The following FBLN5 variants were observed in gnomAD, a reference collection of about 807,000 sequenced individuals.
FBLN5 encodes the protein fibulin-5.
FBLN5 carries 24 observed loss-of-function variants against 61.6 expected under a neutral mutation model. The observed-to-expected ratio is 0.39, with a 90% CI of 0.28 to 0.55. The LOEUF is 0.55. Ranked by LOEUF, FBLN5 falls within the 20% of genes least tolerant of loss-of-function variation. FBLN5 has a pLI of 0.65. For synonymous variants in FBLN5, 213 were observed against 219.8 expected, an observed-to-expected ratio of 0.97 and a Z score of 0.27; for missense variants, 470 against 594.1, an observed-to-expected ratio of 0.79 and a Z score of 2.17.
intron 4 of FBLN5, among the ~76,000 whole-genome samples, chr14:91,912,864 T>C (rs1891016706): frequency 6.6e-6 from 1 of 151,764 alleles, no homozygotes. Context: ...TGAGACACTT[T>C]TCTTCTTTAA....
rs1332235264 is a variant in FBLN5 at position 91,943,533 on chromosome 14, A to C, written c.18-572T>G. 1.3e-5 allele frequency among the ~76,000 whole-genome samples: 2 copies of C among 151,644 alleles called. No homozygotes were observed. The highest frequency in any genetic ancestry group is 2.9e-5 in the Non-Finnish European group (2 of 67,910). On this transcript the variant is annotated intron_variant, in intron 1 of 10. Transcript: ENST00000342058. This position sits in a 1 kb window ranked among gnomAD's most constrained non-coding sequence, Gnocchi z 4.0. ...TCCCCCCACCCCCCAAAAAAGCTAAAACCTCCCACTATGGTATTAACCAGT... is the reference window on the plus strand; with the variant it reads ...TCCCCCCACCCCCCAAAAAAGCTAACACCTCCCACTATGGTATTAACCAGT...
chr14:91,929,491 G>A (rs1232569201), intron 4 of FBLN5, among the ~76,000 whole-genome samples: 1 of 152,108 alleles, frequency 6.6e-6, no homozygotes, highest in Admixed American at 6.6e-5. Context: ...GGCCAGAGAG[G>A]CCAAGTGGCT....
At chr14:91,872,636 T>C (rs955727617) in intron 10 of FBLN5, among the ~76,000 whole-genome samples, 2 of 152,130 alleles carry the variant, frequency 1.3e-5, no homozygotes, top group Admixed American at 1.3e-4. Flanking sequence ...ACCTCCCCTA[T>C]CCATGAGGCT....
intron 4 of FBLN5, among the ~76,000 whole-genome samples, chr14:91,898,240 G>T (rs1410953982): frequency 1.3e-5 from 2 of 151,842 alleles, no homozygotes; most frequent in African/African-American, 2.4e-5. Context: ...CACCTTTATA[G>T]CCTGAAAACA....
rs1040501479 is a variant in FBLN5, at chr14:91,942,889, T to A, written c.72+18A>T. On this transcript the variant is annotated intron_variant, in intron 2 of 10. Coordinates refer to ENST00000342058, the MANE Select transcript of FBLN5 (RefSeq NM_006329.4). ...TTTTAATACGCTTGTAGATATTTTT[T>A]AAAAATAAAAATCTTACCTGTGCAT... 2 of 1,487,906 alleles carry A rather than the reference T, an allele frequency of 1.3e-6. No homozygotes were observed. Among genetic ancestry groups the A allele is most frequent in the Non-Finnish European group, 1.8e-6 (2 of 1,089,056 alleles). The allele number at this position is 1,487,906 out of a possible 1,614,324, so 92.2% of individuals were successfully genotyped here.
At chr14:91,895,352 T>C (rs1890178793) in intron 4 of FBLN5, among the ~76,000 whole-genome samples, 2 of 152,238 alleles carry the variant, frequency 1.3e-5, no homozygotes, top group African/African-American at 4.8e-5. Context: ...CATTGCTCTT[T>C]GAAGGTGCAT....
chr14:91,874,977 C>A (rs1440031992), intron 10 of FBLN5, among the ~76,000 whole-genome samples: 1 of 151,984 alleles, frequency 6.6e-6, no homozygotes, highest in African/African-American at 2.4e-5. Flanking sequence ...ACAGGTCATG[C>A]CACCACACCT....
At chr14:91,923,997 T>C (rs2055784311) in intron 4 of FBLN5, among the ~76,000 whole-genome samples, 1 of 152,236 alleles carries the variant, frequency 6.6e-6, no homozygotes, top group South Asian at 2.1e-4. Flanking sequence ...GGGTTTCATA[T>C]TTCCTGCCAA....
chr14:91,909,895 G>T (rs1258437980), intron 4 of FBLN5, among the ~76,000 whole-genome samples: 2 of 152,190 alleles, frequency 1.3e-5, no homozygotes, highest in African/African-American at 4.8e-5. Flanking sequence ...AAACGTGTTG[G>T]TGAGGACGTG....
Position 91,934,522 on chromosome 14 carries a change from C to T in FBLN5, c.379+2425G>A, listed in dbSNP as rs564523922. On this transcript the variant is annotated intron_variant, in intron 4 of 10. Coordinates refer to ENST00000342058, the MANE Select transcript of FBLN5 (RefSeq NM_006329.4). ...TTTGATATTATTACCACTGCTGCTG[C>T]GGATGTTACTGTTGATCGCTATTCT... Among the ~76,000 whole-genome samples, 15 of 152,310 alleles carry T rather than the reference C, an allele frequency of 9.8e-5. No homozygotes were observed. In the South Asian group the frequency reaches 1.0e-3, roughly 11 times the overall value.
chr14:91,907,424 G>A (rs1001791508), intron 4 of FBLN5, among the ~76,000 whole-genome samples: 1 of 152,170 alleles, frequency 6.6e-6, no homozygotes, highest in South Asian at 2.1e-4. Context: ...AGGTCTCTTT[G>A]TTACAGTGGC....
At chr14:91,908,187 A>G (rs888778744) in intron 4 of FBLN5, among the ~76,000 whole-genome samples, 12 of 152,186 alleles carry the variant, frequency 7.9e-5, no homozygotes, top group Non-Finnish European at 2.9e-5. Context: ...GACTTCCCAG[A>G]AGTTGCTGTC....
chr14:91,947,330 G>T lies in FBLN5; in HGVS notation c.-101C>A. On this transcript the variant is annotated 5_prime_UTR_variant, in exon 1 of 11. Transcript: ENST00000342058. This position sits in a 1 kb window ranked among gnomAD's most constrained non-coding sequence, Gnocchi z 4.3. ...CGTCGGCCTCCTCTGGGCCCTCGGG[G>T]CTCGCGGGTGTTTTATTCCAGAGGG... The T allele has an allele frequency of 1.4e-6, 2 of 1,387,180 alleles. No homozygotes were observed. The highest frequency in any genetic ancestry group is 2.0e-6 in the Non-Finnish European group (2 of 979,524). 85.9% of individuals were successfully genotyped at this position (1,387,180 alleles called of 1,614,324 possible). A position where few individuals can be genotyped will look rare whatever the true frequency, so the allele number is the denominator to read the frequency against.
At chr14:91,931,882 C>T (rs1267232040) in intron 4 of FBLN5, among the ~76,000 whole-genome samples, 1 of 152,182 alleles carries the variant, frequency 6.6e-6, no homozygotes, top group African/African-American at 2.4e-5. Context: ...ATCTTGGGTG[C>T]CCCAGCCACT....
chr14:91,889,539 TAACC>T (rs1889889210), intron 6 of FBLN5, among the ~76,000 whole-genome samples: 1 of 152,206 alleles, frequency 6.6e-6, no homozygotes, highest in South Asian at 2.1e-4. Flanking sequence ...CCAAGTTGCT[TAACC>T]TTTTTGAGCC....
chr14:91,898,210 G>T lies in FBLN5; in HGVS notation c.380-3138C>A, dbSNP rs547387116. 2.4e-3 allele frequency among the ~76,000 whole-genome samples: 356 copies of T among 150,748 alleles called. 4 individuals are homozygous for T. Among genetic ancestry groups the T allele is most frequent in the African/African-American group, 8.4e-3 (340 of 40,632 alleles). On this transcript the variant is annotated intron_variant, in intron 4 of 10. Coordinates refer to ENST00000342058, the MANE Select transcript of FBLN5 (RefSeq NM_006329.4). ...CAATAAGTCCCTGAAGTTTTTTTTG[G>T]CGGGGGGGGCGGAATCTCTCACCTT...
At chr14:91,883,111 C>A in intron 7 of FBLN5, 35 bp from the exon 8 acceptor site, 2 of 1,612,070 alleles carry the variant, frequency 1.2e-6, no homozygotes, top group Non-Finnish European at 1.7e-6. Context: ...GTTTGTAATC[C>A]CAGTCTACAT....
chr14:91,919,071 G>T (rs1317956934), intron 4 of FBLN5, among the ~76,000 whole-genome samples: 1 of 152,052 alleles, frequency 6.6e-6, no homozygotes, highest in Non-Finnish European at 1.5e-5. Context: ...TGGCTCATGC[G>T]TGTAATCCCA....
chr14:91,909,621 C>T (rs189582648), intron 4 of FBLN5, among the ~76,000 whole-genome samples: 1 of 152,162 alleles, frequency 6.6e-6, no homozygotes, highest in Admixed American at 6.5e-5. Flanking sequence ...AAGACAAAGA[C>T]AGACCCGAGC....
Sources: allele counts gnomAD v4.1 joint callset (sites outside exome capture counted in the v4.1 genomes callset), GRCh38; gene constraint gnomAD v4.1.1; non-coding constraint Gnocchi (gnomAD v3.1); transcripts MANE v1.5; gene names NCBI Gene and HGNC (gene_info 2026-07-23, HGNC 2026-07-21).